The following REDIC1 variants were observed in gnomAD, a reference collection of about 807,000 sequenced individuals.
The protein encoded by REDIC1 is regulator of DNA class I crossover intermediates 1, also known as HEI10 Interacting Protein 1.
the REDIC1 span, among the ~76,000 whole-genome samples, chr12:39,766,321 A>C: frequency 0.014 from 2,128 of 152,220 alleles, 48 homozygotes; most frequent in African/African-American, 0.048. Flanking sequence ...CACTACATAT[A>C]AAAGTTATGT....
chr12:39,822,336 T>C, the REDIC1 span, among the ~76,000 whole-genome samples: 1 of 152,276 alleles, frequency 6.6e-6, no homozygotes, highest in East Asian at 1.9e-4. Flanking sequence ...AGGTATCACA[T>C]AAAGCCATTC....
At chr12:39,726,682 A>G in the REDIC1 span, among the ~76,000 whole-genome samples, 2 of 152,340 alleles carry the variant, frequency 1.3e-5, no homozygotes, top group South Asian at 2.1e-4. Flanking sequence ...TATACCCAGT[A>G]GTGGGATTGC....
the REDIC1 span, among the ~76,000 whole-genome samples, chr12:39,904,040 A>C: frequency 3.9e-5 from 6 of 152,116 alleles, no homozygotes. Context: ...GACCACCCTC[A>C]GTCTTACTGA....
chr12:39,738,685 C>T, the REDIC1 span, among the ~76,000 whole-genome samples: 4 of 152,266 alleles, frequency 2.6e-5, no homozygotes, highest in Admixed American at 6.5e-5. Flanking sequence ...AGTCAATTCT[C>T]ATTTGTCTTT....
the REDIC1 span, among the ~76,000 whole-genome samples, chr12:39,875,605 T>C: frequency 6.6e-6 from 1 of 152,132 alleles, no homozygotes; most frequent in African/African-American, 2.4e-5. Context: ...AGCCAACAGT[T>C]ATAATGAGAA....
At chr12:39,683,281 G>A in the REDIC1 span, 1 of 1,127,288 alleles carries the variant, frequency 8.9e-7, no homozygotes, top group South Asian at 1.5e-5. Flanking sequence ...ACCAAAAATA[G>A]AATGGCTTCC....
the REDIC1 span, chr12:39,754,149 AAAG>A: frequency 6.6e-6 from 1 of 152,176 alleles, no homozygotes; most frequent in Non-Finnish European, 1.5e-5. Flanking sequence ...TAGTCACTGC[AAAG>A]AAGAGTTTTC....
chr12:39,840,377 A>T, the REDIC1 span, among the ~76,000 whole-genome samples: 1 of 151,974 alleles, frequency 6.6e-6, no homozygotes, highest in African/African-American at 2.4e-5. Flanking sequence ...ATCTAACCTG[A>T]TCAGATTTCT....
the REDIC1 span, among the ~76,000 whole-genome samples, chr12:39,705,139 G>T: frequency 1.3e-5 from 2 of 151,576 alleles, no homozygotes; most frequent in Non-Finnish European, 2.9e-5. Context: ...GAACATAATA[G>T]CTTATAACAG....
At chr12:39,705,585 C>T in the REDIC1 span, among the ~76,000 whole-genome samples, 1 of 151,952 alleles carries the variant, frequency 6.6e-6, no homozygotes, top group Admixed American at 6.6e-5. Flanking sequence ...AAACAGGATT[C>T]AACAGTATAT....
chr12:39,712,914 T>C, the REDIC1 span, among the ~76,000 whole-genome samples: 5 of 147,872 alleles, frequency 3.4e-5, 1 homozygote, highest in African/African-American at 7.4e-5. Flanking sequence ...TATACGTATA[T>C]ACATATGTGC....
chr12:39,825,721 A>C, the REDIC1 span, among the ~76,000 whole-genome samples: 2 of 151,974 alleles, frequency 1.3e-5, no homozygotes, highest in African/African-American at 2.4e-5. Context: ...CTTGATTAGT[A>C]TTGCAAGAGG....
the REDIC1 span, among the ~76,000 whole-genome samples, chr12:39,660,708 T>G: frequency 6.6e-6 from 1 of 152,116 alleles, no homozygotes; most frequent in Non-Finnish European, 1.5e-5. Flanking sequence ...AACACATTTT[T>G]GTTAACTACA....
chr12:39,711,417 GTACT>G, the REDIC1 span, among the ~76,000 whole-genome samples: 58 of 134,532 alleles, frequency 4.3e-4, no homozygotes, highest in African/African-American at 2.4e-4. Context: ...ATGTATATAT[GTACT>G]TATGTGTATA....
the REDIC1 span, among the ~76,000 whole-genome samples, chr12:39,845,285 AT>A: frequency 6.6e-6 from 1 of 151,918 alleles, no homozygotes; most frequent in African/African-American, 2.4e-5. Flanking sequence ...CATTTGTGCT[AT>A]TTTGCTTCAG....
chr12:39,716,867 AC>A, the REDIC1 span: 1 of 1,434,078 alleles, frequency 7.0e-7, no homozygotes, highest in Non-Finnish European at 9.6e-7. Flanking sequence ...ACTTATTAAT[AC>A]ATGCTATATT....
At chr12:39,691,358 G>T in the REDIC1 span, among the ~76,000 whole-genome samples, 1 of 151,934 alleles carries the variant, frequency 6.6e-6, no homozygotes, top group Non-Finnish European at 1.5e-5. Context: ...AGAATGTATA[G>T]AAAAAAATTT....
At chr12:39,731,096 A>G in the REDIC1 span, among the ~76,000 whole-genome samples, 1 of 152,266 alleles carries the variant, frequency 6.6e-6, no homozygotes, top group African/African-American at 2.4e-5. Context: ...ATTGGGTTAG[A>G]ACACGCGTCT....
chr12:39,674,798 G>A, the REDIC1 span, among the ~76,000 whole-genome samples: 1 of 152,178 alleles, frequency 6.6e-6, no homozygotes, highest in Non-Finnish European at 1.5e-5. Context: ...GGGGTCCTTG[G>A]GGAAGGTACC....
Sources: gnomAD v4.1 joint callset for allele counts (sites outside exome capture counted in the v4.1 genomes callset) on GRCh38, gnomAD v4.1.1 for gene constraint, MANE v1.5 for transcripts, NCBI Gene and HGNC (gene_info 2026-07-23, HGNC 2026-07-21) for gene names.